The following ATP2C2 variants were observed in gnomAD, a reference collection of about 807,000 sequenced individuals.
ATP2C2 encodes calcium-transporting ATPase type 2C member 2.
A neutral mutation model predicts 110.8 loss-of-function variants in ATP2C2; 171 were observed. That is an observed-to-expected ratio of 1.54 (90% CI 1.36 to 1.75). ATP2C2 has a LOEUF of 1.75. ATP2C2 is among the 40% of genes most tolerant of loss of function. The pLI is 0.00. For missense variants in ATP2C2, 1,963 were observed against 1,235.0 expected (o/e 1.59, Z -8.84); for synonymous variants, 804 against 508.4 (o/e 1.58, Z -7.82).
rs1406892149 is a variant in ATP2C2, at chr16:84,462,190, G to A, written c.2722+61G>A. The A allele has an allele frequency of 3.2e-6, 5 of 1,569,902 alleles. No homozygotes were observed. In the South Asian group the frequency reaches 3.5e-5, roughly 11 times the overall value. The stretch of plus-strand genomic sequence containing the variant: ...ACCAGGGCCATGGGGGGCGGCAGCT[G>A]CCAGGTGGGGAGCTGCAGCCCAGGA... On this transcript the variant is annotated intron_variant, in intron 26 of 26. Coordinates refer to ENST00000262429, the MANE Select transcript of ATP2C2 (RefSeq NM_014861.4).
chr16:84,448,417 A>ACTC (rs1394023513), intron 16 of ATP2C2, 116 bp from the exon 17 acceptor site: 12 of 1,292,356 alleles, frequency 9.3e-6, no homozygotes, highest in African/African-American at 1.5e-5. Flanking sequence ...ATGATAAATA[A>ACTC]CTCCGCTGCA....
At chr16:84,411,336 C>A (rs564699922) in intron 6 of ATP2C2, among the ~76,000 whole-genome samples, 1 of 152,194 alleles carries the variant, frequency 6.6e-6, no homozygotes, top group Non-Finnish European at 1.5e-5. Flanking sequence ...AAAATGTCTG[C>A]CAGTACCACA....
intron 7 of ATP2C2, among the ~76,000 whole-genome samples, chr16:84,420,472 C>CAT (rs111648880): frequency 2.1e-5 from 2 of 95,766 alleles, no homozygotes; most frequent in African/African-American, 6.5e-5. Flanking sequence ...CCCTTTCTTT[C>CAT]TTTTTTTTTT....
chr16:84,436,056 G>C (rs1473749638), intron 11 of ATP2C2, among the ~76,000 whole-genome samples: 1 of 152,120 alleles, frequency 6.6e-6, no homozygotes, highest in Non-Finnish European at 1.5e-5. Context: ...ATGAAGCTGG[G>C]GGGTGGATGT....
intron 16 of ATP2C2, among the ~76,000 whole-genome samples, chr16:84,447,893 T>TTA (rs1224727233): frequency 1.2e-5 from 1 of 80,974 alleles, no homozygotes; most frequent in African/African-American, 3.5e-5. Flanking sequence ...ATTAATAACA[T>TTA]ATATAATTAA....
intron 1 of ATP2C2, among the ~76,000 whole-genome samples, chr16:84,390,680 G>A (rs1040507307): frequency 2.0e-5 from 3 of 152,164 alleles, no homozygotes; most frequent in South Asian, 2.1e-4. Flanking sequence ...GGCGGGCGGT[G>A]AAAGTGTTTG....
chr16:84,426,005 A>T (rs1434681926), intron 11 of ATP2C2: 2 of 602,452 alleles, frequency 3.3e-6, no homozygotes, highest in Admixed American at 5.8e-5. Context: ...GAATGACAGC[A>T]AATGATCCAG....
At chr16:84,455,163 A>C (rs1010728105) in intron 21 of ATP2C2, among the ~76,000 whole-genome samples, 179 bp downstream of exon 21, 4 of 151,930 alleles carry the variant, frequency 2.6e-5, no homozygotes, top group Non-Finnish European at 5.9e-5. Flanking sequence ...ACAGCCTCTC[A>C]TAGCAGGGTC....
intron 2 of ATP2C2, among the ~76,000 whole-genome samples, chr16:84,401,081 C>T (rs1318792487): frequency 1.3e-5 from 2 of 152,066 alleles, no homozygotes; most frequent in Non-Finnish European, 2.9e-5. Context: ...GATGTGATTC[C>T]ATTTATCCAT....
At chr16:84,412,096 G>A (rs1168667168) in intron 6 of ATP2C2, among the ~76,000 whole-genome samples, 1 of 151,940 alleles carries the variant, frequency 6.6e-6, no homozygotes, top group Non-Finnish European at 1.5e-5. Context: ...TGCAACCTGT[G>A]CCTGCCTCCA....
chr16:84,377,666 C>T (rs1910326969), intron 1 of ATP2C2, among the ~76,000 whole-genome samples: 1 of 152,062 alleles, frequency 6.6e-6, no homozygotes, highest in Admixed American at 6.5e-5. Flanking sequence ...TTAAAGGCCC[C>T]AGCTTTAAAT....
intron 11 of ATP2C2, among the ~76,000 whole-genome samples, chr16:84,432,102 A>G (rs1167728215): frequency 6.6e-6 from 1 of 151,868 alleles, no homozygotes; most frequent in African/African-American, 2.4e-5. Context: ...CGAGACTCAC[A>G]TTTCTTTCTT....
At chr16:84,458,794 G>A (rs934743195) in intron 21 of ATP2C2, among the ~76,000 whole-genome samples, 4 of 152,194 alleles carry the variant, frequency 2.6e-5, no homozygotes, top group Non-Finnish European at 5.9e-5. Flanking sequence ...GAGATGCACG[G>A]CGCACTTCGG....
chr16:84,453,815 C>G (rs1465373221), intron 20 of ATP2C2, among the ~76,000 whole-genome samples: 3 of 151,912 alleles, frequency 2.0e-5, no homozygotes, highest in Admixed American at 6.6e-5. Context: ...GAGGGAAAAA[C>G]TAAAAGAGAA....
rs749901458 is a variant in ATP2C2, at chr16:84,439,535, A to G, written c.1209+11A>G. 64 of 1,613,322 alleles carry G rather than the reference A, an allele frequency of 4.0e-5. No homozygotes were observed. The highest frequency in any genetic ancestry group is 2.2e-5 in the East Asian group (1 of 44,870). On this transcript the variant is annotated intron_variant, in intron 13 of 26. Coordinates refer to ENST00000262429, the MANE Select transcript of ATP2C2 (RefSeq NM_014861.4). ...GGGCTTCGTGCCGAGGTGAGTGCCA[A>G]AGGAATTTACAAGCCTTAAGGATGC...
At chr16:84,386,119 C>T (rs569590200) in intron 1 of ATP2C2, among the ~76,000 whole-genome samples, 44 of 152,146 alleles carry the variant, frequency 2.9e-4, no homozygotes, top group African/African-American at 9.9e-4. Context: ...CTTTCTGTAC[C>T]TTGGCCCTGG....
At chr16:84,398,742 G>A in intron 2 of ATP2C2, 133 bp downstream of exon 2, 1 of 697,056 alleles carries the variant, frequency 1.4e-6, no homozygotes, top group Non-Finnish European at 2.3e-6. Flanking sequence ...GGAAAATATT[G>A]TTGATGTTGA....
intron 11 of ATP2C2, among the ~76,000 whole-genome samples, chr16:84,436,814 G>A (rs1429949243): frequency 3.3e-5 from 5 of 149,580 alleles, no homozygotes; most frequent in African/African-American, 1.2e-4. Flanking sequence ...CCAGGCTGGA[G>A]TGCAATGGCA....
chr16:84,389,181 G>A lies in ATP2C2; in HGVS notation c.100-9318G>A, dbSNP rs181291826. On this transcript the variant is annotated intron_variant, in intron 1 of 26. Transcript: ENST00000262429. Reference sequence around the variant, plus strand: ...TGCTTTCCACAACCTAAGGCATTTGGGATTCCCACATGAGCCGTTTTCTTG... The same window carrying A: ...TGCTTTCCACAACCTAAGGCATTTGAGATTCCCACATGAGCCGTTTTCTTG... Among the ~76,000 whole-genome samples the A allele has an allele frequency of 2.1e-3, 321 of 152,244 alleles. 4 individuals carry two copies. The highest frequency in any genetic ancestry group is 0.011 in the South Asian group (55 of 4,824).
Sources: gnomAD v4.1 joint callset for allele counts (sites outside exome capture counted in the v4.1 genomes callset) on GRCh38, gnomAD v4.1.1 for gene constraint, MANE v1.5 for transcripts, NCBI Gene and HGNC (gene_info 2026-07-23, HGNC 2026-07-21) for gene names.